BRSK1: variants seen among roughly 807,000 people sequenced by gnomAD.
The protein encoded by BRSK1 is serine/threonine-protein kinase BRSK1.
BRSK1 carries 17 observed loss-of-function variants against 86.2 expected under a neutral mutation model. The observed-to-expected ratio is 0.20, with a 90% CI of 0.14 to 0.30. The LOEUF is 0.30. BRSK1 is among the 10% of genes least tolerant of loss of function. BRSK1 has a pLI of 1.00. For synonymous variants in BRSK1, 464 were observed against 440.1 expected (o/e 1.05, Z -0.68); for missense variants, 719 against 1,071.9 (o/e 0.67, Z 4.60).
intron 7 of BRSK1, among the ~76,000 whole-genome samples, chr19:55,299,741 G>A (rs771315833): frequency 3.9e-5 from 6 of 152,118 alleles, no homozygotes; most frequent in South Asian, 4.2e-4. Context: ...CATTATGTCC[G>A]TTTCACAGAG....
Position 55,284,129 on chromosome 19 carries a change from C to A in BRSK1, c.-314C>A. 8 of 1,184,594 alleles carry A rather than the reference C, an allele frequency of 6.8e-6. No homozygotes were observed. The highest frequency in any genetic ancestry group is 7.4e-6 in the Non-Finnish European group (7 of 945,964). 73.4% of individuals were successfully genotyped at this position (1,184,594 alleles called of 1,614,324 possible). A position where few individuals can be genotyped will look rare whatever the true frequency, so the allele number is the denominator to read the frequency against. ...GGCCTGCAGCATCCGCCGGCCCGCA[C>A]CTCAGACCCCCCCGGCGGGGGGAGG... On this transcript the variant is annotated 5_prime_UTR_variant, in exon 1 of 19. Coordinates refer to ENST00000309383, the MANE Select transcript of BRSK1 (RefSeq NM_032430.2).
rs1320612968 is a variant in BRSK1, at chr19:55,312,015, G to C, written c.2284G>C (p.Gly762Arg). Residue 762 changes from glycine to arginine, a missense_variant, in exon 19 of 19, where the codon GGC (glycine) becomes CGC (arginine). Gly to Arg is a moderately radical substitution (Grantham distance 125, BLOSUM62 -2). Around this residue, in one of 6 missense-constraint regions of BRSK1, gnomAD observed 82 missense variants for 72.6 expected, o/e 1.13. Transcript: ENST00000309383. ...AGAGCTGAGCAGCTCTCCCCGCCGA[G>C]GCCCCCCCAAGGACAAGAAGCTCCT... Reference protein sequence around the residue: ...DPELSSSPRRGPPKDKKLLAT... With the variant: ...DPELSSSPRRRPPKDKKLLAT... 5 of 1,517,380 alleles carry C rather than the reference G, an allele frequency of 3.3e-6. No homozygotes were observed. The South Asian group carries it at 5.0e-5, about 15-fold the overall frequency. 94.0% of individuals were successfully genotyped at this position (1,517,380 alleles called of 1,614,324 possible).
rs202201193 is a variant in BRSK1, at chr19:55,287,109, C to T, written c.231+8C>T. The T allele has an allele frequency of 2.2e-5, 36 of 1,611,512 alleles. No homozygotes were observed. The highest frequency in any genetic ancestry group is 2.0e-4 in the African/African-American group (15 of 74,282). On this transcript the variant is annotated splice_region_variant and intron_variant, in intron 2 of 18. Coordinates refer to ENST00000309383, the MANE Select transcript of BRSK1 (RefSeq NM_032430.2). This position sits in a 1 kb window ranked among gnomAD's most constrained non-coding sequence, Gnocchi z 5.3. Reference sequence around the variant, plus strand: ...GAGTCGGTGCTGATGAAGGTGTGTGCGCCTGCTGCAGTGTGCCTGCGGGTG... The same window carrying T: ...GAGTCGGTGCTGATGAAGGTGTGTGTGCCTGCTGCAGTGTGCCTGCGGGTG...
At chr19:55,292,549 C>G (rs767114000) in intron 4 of BRSK1, among the ~76,000 whole-genome samples, 2 of 152,036 alleles carry the variant, frequency 1.3e-5, no homozygotes, top group Non-Finnish European at 2.9e-5. Context: ...TAAAAAGTTT[C>G]CAGGCCGGGC....
intron 18 of BRSK1, among the ~76,000 whole-genome samples, chr19:55,309,989 C>T (rs997535960): frequency 2.0e-5 from 3 of 152,172 alleles, no homozygotes; most frequent in Admixed American, 6.6e-5. Flanking sequence ...TGAAAGGAAA[C>T]GGCCCAGCGT....
At chr19:55,293,956 C>A in intron 4 of BRSK1, 61 bp from the exon 5 acceptor site, 2 of 1,437,428 alleles carry the variant, frequency 1.4e-6, no homozygotes, top group East Asian at 2.3e-5. Flanking sequence ...GAGAGCCAGT[C>A]AGTGGGGCCT....
rs376192653 is a variant in BRSK1, at chr19:55,287,134, G to T, written c.231+33G>T. On this transcript the variant is annotated intron_variant, in intron 2 of 18. Coordinates refer to ENST00000309383, the MANE Select transcript of BRSK1 (RefSeq NM_032430.2). The surrounding 1 kb of genome is among the most constrained non-coding windows in gnomAD (Gnocchi z 5.3). Reference sequence around the variant, plus strand: ...CGCCTGCTGCAGTGTGCCTGCGGGTGGGGGGGCCTCCGGGGCTGAGGGCAG... The same window carrying T: ...CGCCTGCTGCAGTGTGCCTGCGGGTTGGGGGGCCTCCGGGGCTGAGGGCAG... 24 of 1,610,656 alleles carry T rather than the reference G, an allele frequency of 1.5e-5. No homozygotes were observed. Among genetic ancestry groups the T allele is most frequent in the African/African-American group, 1.1e-4 (8 of 74,738 alleles).
In BRSK1 at chr19:55,287,903, G is replaced by C. The variant is rs890059955; in HGVS notation, c.317+604G>C. ...GGTGACCCAAAGGACAGCTGGGCTGGGAAGCCGGAGAGGGGACAGCCCTCG... is the reference window on the plus strand; with the variant it reads ...GGTGACCCAAAGGACAGCTGGGCTGCGAAGCCGGAGAGGGGACAGCCCTCG... On this transcript the variant is annotated intron_variant, in intron 3 of 18. Transcript: ENST00000309383. The surrounding 1 kb of genome is among the most constrained non-coding windows in gnomAD (Gnocchi z 5.3). The C allele has an allele frequency of 1.3e-5, 2 of 156,452 alleles. No homozygotes were observed. Among genetic ancestry groups the C allele is most frequent in the African/African-American group, 4.8e-5 (2 of 41,496 alleles). The allele number at this position is 156,452 out of a possible 1,614,324, so 9.7% of individuals were successfully genotyped here.
In BRSK1 at chr19:55,302,262, T is replaced by A; in HGVS notation, c.857+94T>A. The A allele has an allele frequency of 1.4e-6, 2 of 1,452,128 alleles. No homozygotes were observed. The highest frequency in any genetic ancestry group is 1.9e-6 in the Non-Finnish European group (2 of 1,033,522). 90.0% of individuals were successfully genotyped at this position (1,452,128 alleles called of 1,614,324 possible). A position where few individuals can be genotyped will look rare whatever the true frequency, so the allele number is the denominator to read the frequency against. On this transcript the variant is annotated intron_variant, in intron 9 of 18. Coordinates refer to ENST00000309383, the MANE Select transcript of BRSK1 (RefSeq NM_032430.2). The surrounding 1 kb of genome is among the most constrained non-coding windows in gnomAD (Gnocchi z 6.3). ...GGCTGGGAGGGGTGGGATGCCAGGG[T>A]TCCTGAGAGGCAACGGGCTAGGGAC...
At chr19:55,297,688 G>A (rs1451384867) in intron 7 of BRSK1, among the ~76,000 whole-genome samples, 3 of 152,160 alleles carry the variant, frequency 2.0e-5, no homozygotes, top group Admixed American at 6.6e-5. Flanking sequence ...CCATCCAGCC[G>A]AGTTCCAATC....
rs1253382584 is a variant in BRSK1, at chr19:55,302,120, A to C, written c.826-17A>C. The C allele has an allele frequency of 6.2e-7, 1 of 1,613,790 alleles. No individual in the cohort carries two copies. The highest frequency in any genetic ancestry group is 8.5e-7 in the Non-Finnish European group (1 of 1,179,954). ...ACGACCTCACTTCTGCTTCTCTACG[A>C]CTCACCACCCTCACAGCTGGAGCAA... On this transcript the variant is annotated splice_polypyrimidine_tract_variant and intron_variant, in intron 8 of 18. Coordinates refer to ENST00000309383, the MANE Select transcript of BRSK1 (RefSeq NM_032430.2). This position sits in a 1 kb window ranked among gnomAD's most constrained non-coding sequence, Gnocchi z 6.3.
intron 7 of BRSK1, among the ~76,000 whole-genome samples, chr19:55,295,452 G>A (rs2088472628): frequency 6.6e-6 from 1 of 152,206 alleles, no homozygotes; most frequent in Admixed American, 6.5e-5. Context: ...CTGGTAATGG[G>A]AAAGATACTA....
At chr19:55,298,206 CTTCTT>C (rs2088517471) in intron 7 of BRSK1, among the ~76,000 whole-genome samples, 5 of 72,594 alleles carry the variant, frequency 6.9e-5, no homozygotes, top group African/African-American at 2.6e-4. Flanking sequence ...TTTTTTGTTT[CTTCTT>C]TTTTTTTTTT....
chr19:55,284,357 G>C lies in BRSK1; in HGVS notation c.-86G>C. On this transcript the variant is annotated 5_prime_UTR_variant, in exon 1 of 19. Coordinates refer to ENST00000309383, the MANE Select transcript of BRSK1 (RefSeq NM_032430.2). ...GGGCAGCCGGGGGGGCCGGGACGGA[G>C]CGGTCGCCGGCCCCCACCGGAGAGA... The C allele has an allele frequency of 1.1e-6, 1 of 920,264 alleles. No individual in the cohort carries two copies. The allele number at this position is 920,264 out of a possible 1,614,324, so 57.0% of individuals were successfully genotyped here.
intron 18 of BRSK1, among the ~76,000 whole-genome samples, chr19:55,311,022 G>A (rs1402271777): frequency 1.3e-5 from 2 of 152,020 alleles, no homozygotes; most frequent in Non-Finnish European, 2.9e-5. Flanking sequence ...GTGCAGTGGC[G>A]CGATCTCAGC....
Position 55,302,104 on chromosome 19 carries a change from C to A in BRSK1, c.826-33C>A. On this transcript the variant is annotated intron_variant, in intron 8 of 18. Transcript: ENST00000309383. This position sits in a 1 kb window ranked among gnomAD's most constrained non-coding sequence, Gnocchi z 6.3. ...GCGCCTACATGTGCCTACGACCTCA[C>A]TTCTGCTTCTCTACGACTCACCACC... 6.2e-7 allele frequency: 1 copy of A among 1,614,122 alleles called. No homozygotes were observed. Among genetic ancestry groups the A allele is most frequent in the Non-Finnish European group, 8.5e-7 (1 of 1,179,934 alleles).
rs2088615001 is a variant in BRSK1 at position 55,304,344 on chromosome 19, T to C, written c.1348-207T>C. The stretch of plus-strand genomic sequence containing the variant: ...AGTTAGTTGAGTGCCTGCTGTGTAC[T>C]AGTATCTGCACCGGCTGGGTTTTCA... On this transcript the variant is annotated intron_variant, in intron 13 of 18. Coordinates refer to ENST00000309383, the MANE Select transcript of BRSK1 (RefSeq NM_032430.2). The surrounding 1 kb of genome is among the most constrained non-coding windows in gnomAD (Gnocchi z 5.2). Among the ~76,000 whole-genome samples the C allele has an allele frequency of 6.6e-6, 1 of 152,210 alleles. No homozygotes were observed. The highest frequency in any genetic ancestry group is 2.1e-4 in the South Asian group (1 of 4,828).
intron 4 of BRSK1, among the ~76,000 whole-genome samples, chr19:55,292,216 C>G (rs932317682): frequency 1.3e-4 from 20 of 152,306 alleles, no homozygotes; most frequent in African/African-American, 3.8e-4. Context: ...CTCCCTCTCT[C>G]CCCAGACACC....
Position 55,284,315 on chromosome 19 carries a change from A to C in BRSK1, c.-128A>C. On this transcript the variant is annotated 5_prime_UTR_variant, in exon 1 of 19. Coordinates refer to ENST00000309383, the MANE Select transcript of BRSK1 (RefSeq NM_032430.2). Reference sequence around the variant, plus strand: ...GGGGGGCCAGCCCAGCCCCCTGGGGACCCCCGGAGAGGTGGGGGGCAGCCG... The same window carrying C: ...GGGGGGCCAGCCCAGCCCCCTGGGGCCCCCCGGAGAGGTGGGGGGCAGCCG... 1 of 756,546 alleles carries C rather than the reference A, an allele frequency of 1.3e-6. No individual in the cohort carries two copies. The highest frequency in any genetic ancestry group is 1.8e-6 in the Non-Finnish European group (1 of 559,384). 46.9% of individuals were successfully genotyped at this position (756,546 alleles called of 1,614,324 possible).
Sources: gnomAD v4.1 joint callset for allele counts (sites outside exome capture counted in the v4.1 genomes callset) on GRCh38, gnomAD v4.1.1 for gene constraint, gnomAD v4.1.1 regional missense constraint, Gnocchi (gnomAD v3.1) non-coding constraint, MANE v1.5 for transcripts, NCBI Gene and HGNC (gene_info 2026-07-23, HGNC 2026-07-21) for gene names.